Variants in NPAS2 observed in about 807,000 individuals in gnomAD.
NPAS2 encodes neuronal PAS domain protein 2, also known as neuronal PAS domain-containing protein 2.
Under a neutral mutation model 107.5 loss-of-function variants are expected in NPAS2, and 23 were observed. The observed-to-expected ratio is 0.21, with a 90% CI of 0.15 to 0.30. The LOEUF is 0.30. Ranked by LOEUF, NPAS2 falls within the 10% of genes least tolerant of loss-of-function variation. The pLI is 1.00. For synonymous variants in NPAS2, 403 were observed against 417.5 expected, an observed-to-expected ratio of 0.97 and a Z score of 0.42; for missense variants, 756 against 1,043.3, an observed-to-expected ratio of 0.72 and a Z score of 3.79.
intron 7 of NPAS2, among the ~76,000 whole-genome samples, chr2:100,958,059 T>A (rs1675687481): frequency 6.6e-6 from 1 of 152,344 alleles, no homozygotes; most frequent in Middle Eastern, 3.4e-3. Context: ...TGTAGATGTG[T>A]GTCTGACAAA....
intron 1 of NPAS2, among the ~76,000 whole-genome samples, chr2:100,833,611 A>G (rs1356733543): frequency 6.6e-6 from 1 of 152,228 alleles, no homozygotes; most frequent in Non-Finnish European, 1.5e-5. Flanking sequence ...TTGGGGCTGC[A>G]CAGTGTGCTT....
chr2:100,964,897 A>T lies in NPAS2; in HGVS notation c.754A>T (p.Thr252Ser). ...AGTTGACGAACCTTTAGAGGAATTC[A>T]CTTCAAGGCATAGCTTGGAATGGAA... ...CIVDEPLEEF[T>S]SRHSLEWKFL... The change falls in exon 9 of 21, where the codon ACT becomes TCT. Residue 252 changes from threonine (T) to serine (S), a missense_variant. Physicochemically the swap from Thr to Ser is moderately conservative, Grantham distance 58. Around this residue, in one of 4 missense-constraint regions of NPAS2, gnomAD observed 84 missense variants for 175.5 expected, o/e 0.48. Coordinates refer to ENST00000335681, the MANE Select transcript of NPAS2 (RefSeq NM_002518.4). The T allele has an allele frequency of 6.3e-7, 1 of 1,575,944 alleles. No individual in the cohort carries two copies. The highest frequency in any genetic ancestry group is 1.2e-5 in the South Asian group (1 of 83,630).
chr2:100,826,326 T>C (rs1676377283), intron 1 of NPAS2, among the ~76,000 whole-genome samples: 1 of 152,090 alleles, frequency 6.6e-6, no homozygotes, highest in Non-Finnish European at 1.5e-5. Flanking sequence ...TCTGTAATCC[T>C]GGCTACTCAG....
At chr2:100,830,446 A>G (rs1279990177) in intron 1 of NPAS2, among the ~76,000 whole-genome samples, 1 of 151,802 alleles carries the variant, frequency 6.6e-6, no homozygotes, top group African/African-American at 2.4e-5. Flanking sequence ...TACATTAGGT[A>G]TTTCTACTAA....
At chr2:100,980,510 C>A (rs554981382) in intron 15 of NPAS2, among the ~76,000 whole-genome samples, 76 of 152,010 alleles carry the variant, frequency 5.0e-4, no homozygotes, top group African/African-American at 1.8e-3. Flanking sequence ...CACTCTGTTG[C>A]CCAGGCTGGA....
intron 5 of NPAS2, 40 bp from the exon 6 acceptor site, chr2:100,948,195 T>G: frequency 6.3e-7 from 1 of 1,597,060 alleles, no homozygotes; most frequent in South Asian, 1.2e-5. Context: ...TTTTTCATCT[T>G]CGTTGAGGGT....
intron 1 of NPAS2, among the ~76,000 whole-genome samples, chr2:100,864,426 A>G (rs1679130539): frequency 6.6e-6 from 1 of 152,198 alleles, no homozygotes; most frequent in African/African-American, 2.4e-5. Flanking sequence ...CCTCTCCCGC[A>G]TTTAATGGTG....
intron 1 of NPAS2, among the ~76,000 whole-genome samples, chr2:100,826,270 T>C (rs1676373690): frequency 6.6e-6 from 1 of 152,032 alleles, no homozygotes; most frequent in Admixed American, 6.5e-5. Context: ...GGTGAAACCC[T>C]GTCTCTACTA....
At chr2:100,975,610 A>C in intron 14 of NPAS2, 43 bp downstream of exon 14, 2 of 1,426,532 alleles carry the variant, frequency 1.4e-6, no homozygotes, top group Non-Finnish European at 1.9e-6. Context: ...GTACGCTACA[A>C]TGTGGTGGGG....
Position 100,982,661 on chromosome 2 carries a change from G to A in NPAS2, c.1629+284G>A, listed in dbSNP as rs372898167. 12 of 470,490 alleles carry A rather than the reference G, an allele frequency of 2.6e-5. 1 individual carries two copies. The highest frequency in any genetic ancestry group is 9.7e-5 in the African/African-American group (5 of 51,298). 29.1% of individuals were successfully genotyped at this position (470,490 alleles called of 1,614,324 possible). ...CTACGTTTGCACTTGTGCACTTGGC[G>A]TTGGATTGCCCTGCATGGATGCCTG... On this transcript the variant is annotated intron_variant, in intron 16 of 20. Transcript: ENST00000335681.
At chr2:100,825,955 A>G (rs1234429092) in intron 1 of NPAS2, among the ~76,000 whole-genome samples, 1 of 152,180 alleles carries the variant, frequency 6.6e-6, no homozygotes, top group Non-Finnish European at 1.5e-5. Context: ...AATTACACAA[A>G]GAAGAGTCTG....
At chr2:100,916,702 G>A (rs1286716582) in intron 2 of NPAS2, among the ~76,000 whole-genome samples, 1 of 152,138 alleles carries the variant, frequency 6.6e-6, no homozygotes, top group African/African-American at 2.4e-5. Flanking sequence ...ACTGAAAAAT[G>A]CCATCAACCA....
upstream of NPAS2, among the ~76,000 whole-genome samples, chr2:100,818,949 G>T (rs3811559): frequency 0.059 from 8,906 of 152,230 alleles, 400 homozygotes; most frequent in African/African-American, 0.12. Flanking sequence ...CGGGGCACAC[G>T]GTCTCCGGTT....
At chr2:100,862,324 T>C (rs1012044870) in intron 1 of NPAS2, among the ~76,000 whole-genome samples, 2 of 152,224 alleles carry the variant, frequency 1.3e-5, no homozygotes, top group African/African-American at 4.8e-5. Flanking sequence ...TGTTTTGGCA[T>C]TTTTGGTAAT....
In NPAS2 at chr2:100,968,261, A is replaced by C. The variant is rs757742176; in HGVS notation, c.908-20A>C. ...TCATATTAACATTGGTTATATGCGG[A>C]ATCCATTTTCTACCGACAGTGATGC... On this transcript the variant is annotated intron_variant, in intron 10 of 20. Transcript: ENST00000335681. The surrounding 1 kb of genome is among the most constrained non-coding windows in gnomAD (Gnocchi z 5.3). The C allele has an allele frequency of 1.9e-6, 3 of 1,612,274 alleles. No individual in the cohort carries two copies. The highest frequency in any genetic ancestry group is 2.5e-6 in the Non-Finnish European group (3 of 1,178,492).
At chr2:100,837,127 G>T (rs1483140133) in intron 1 of NPAS2, among the ~76,000 whole-genome samples, 1 of 152,056 alleles carries the variant, frequency 6.6e-6, no homozygotes, top group African/African-American at 2.4e-5. Flanking sequence ...GTATCCCAAG[G>T]AGATTTTCTT....
chr2:100,933,374 ACTG>A (rs1409330456), intron 4 of NPAS2, among the ~76,000 whole-genome samples: 2 of 152,186 alleles, frequency 1.3e-5, no homozygotes, highest in African/African-American at 4.8e-5. Context: ...CTTCTCTTAG[ACTG>A]CTATGATTAT....
At chr2:100,903,033 T>C (rs1681885418) in intron 1 of NPAS2, among the ~76,000 whole-genome samples, 1 of 152,226 alleles carries the variant, frequency 6.6e-6, no homozygotes, top group Non-Finnish European at 1.5e-5. Flanking sequence ...CTATTAGTCA[T>C]TTTTAGATGT....
chr2:100,847,613 G>A (rs1010997065), intron 1 of NPAS2, among the ~76,000 whole-genome samples: 5 of 152,100 alleles, frequency 3.3e-5, no homozygotes, highest in African/African-American at 7.2e-5. Context: ...CTCGTGATCC[G>A]CCCACCTTGG....
Sources: gnomAD v4.1 joint callset for allele counts (sites outside exome capture counted in the v4.1 genomes callset) on GRCh38, gnomAD v4.1.1 for gene constraint, gnomAD v4.1.1 regional missense constraint, Gnocchi (gnomAD v3.1) non-coding constraint, MANE v1.5 for transcripts, NCBI Gene and HGNC (gene_info 2026-07-23, HGNC 2026-07-21) for gene names.